Variants in C16orf74 observed in about 807,000 individuals in gnomAD.
C16orf74 encodes uncharacterized protein C16orf74.
A neutral mutation model predicts 6.5 loss-of-function variants in C16orf74; 10 were observed. That is an observed-to-expected ratio of 1.54 (90% CI 0.95 to 2.61). The LOEUF is 2.61. Ranked by LOEUF, C16orf74 falls within the 30% of genes most tolerant of loss-of-function variation. The pLI, the probability that C16orf74 is intolerant of heterozygous loss-of-function variation, is 0.00. For missense variants in C16orf74, 141 were observed against 105.9 expected, an observed-to-expected ratio of 1.33 and a Z score of -1.45; for synonymous variants, 60 against 42.5, an observed-to-expected ratio of 1.41 and a Z score of -1.60.
intron 2 of C16orf74, among the ~76,000 whole-genome samples, chr16:85,731,698 T>C (rs115835971): frequency 0.018 from 2,725 of 152,192 alleles, 75 homozygotes; most frequent in African/African-American, 0.063. Context: ...GTCATTTTTT[T>C]TTTTTTTGAG....
chr16:85,720,479 G>A (rs982979309), intron 2 of C16orf74, among the ~76,000 whole-genome samples: 1 of 152,160 alleles, frequency 6.6e-6, no homozygotes, highest in African/African-American at 2.4e-5. Flanking sequence ...CCAAAGGCCA[G>A]GTCCAGGGTC....
At chr16:85,728,440 G>A (rs977443923) in intron 2 of C16orf74, among the ~76,000 whole-genome samples, 1 of 152,168 alleles carries the variant, frequency 6.6e-6, no homozygotes, top group African/African-American at 2.4e-5. Flanking sequence ...ACCTTCCCCA[G>A]GACAGTTGCT....
At chr16:85,721,021 G>A (rs1488383588) in intron 2 of C16orf74, among the ~76,000 whole-genome samples, 2 of 152,088 alleles carry the variant, frequency 1.3e-5, no homozygotes, top group Non-Finnish European at 2.9e-5. Context: ...AACCCAGGAG[G>A]CAGAGGTTGC....
chr16:85,750,676 C>G (rs563604568), intron 1 of C16orf74, among the ~76,000 whole-genome samples: 1 of 152,292 alleles, frequency 6.6e-6, no homozygotes, highest in African/African-American at 2.4e-5. Flanking sequence ...GGTCACACCC[C>G]CACCGCCGTG....
At chr16:85,736,310 G>A (rs564621591) in intron 1 of C16orf74, among the ~76,000 whole-genome samples, 1 of 152,268 alleles carries the variant, frequency 6.6e-6, no homozygotes, top group East Asian at 1.9e-4. Flanking sequence ...TCATGTGCAG[G>A]CTGTTGGTGG....
chr16:85,725,747 G>T (rs2054126345), intron 2 of C16orf74, among the ~76,000 whole-genome samples: 1 of 152,112 alleles, frequency 6.6e-6, no homozygotes, highest in South Asian at 2.1e-4. Flanking sequence ...GGCACTACAG[G>T]CGCATGCTAC....
intron 2 of C16orf74, among the ~76,000 whole-genome samples, chr16:85,723,442 C>T (rs1430008203): frequency 6.6e-6 from 1 of 151,528 alleles, no homozygotes; most frequent in Non-Finnish European, 1.5e-5. Flanking sequence ...CTGTTAAAAA[C>T]AGAGGAAGCA....
chr16:85,717,396 C>G (rs2054036013), intron 2 of C16orf74, among the ~76,000 whole-genome samples: 1 of 152,226 alleles, frequency 6.6e-6, no homozygotes. Flanking sequence ...GTGACTTTAA[C>G]AGCCAGGGAT....
intron 2 of C16orf74, among the ~76,000 whole-genome samples, chr16:85,727,005 A>G (rs1567807219): frequency 6.6e-6 from 1 of 152,234 alleles, no homozygotes. Flanking sequence ...GCTAGCTTCC[A>G]TCCAGCACTG....
intron 1 of C16orf74, among the ~76,000 whole-genome samples, chr16:85,742,988 A>C (rs2054326826): frequency 1.3e-5 from 2 of 152,120 alleles, no homozygotes; most frequent in Non-Finnish European, 1.5e-5. Context: ...CATCCTCATC[A>C]TCGTCATCAG....
intron 1 of C16orf74, among the ~76,000 whole-genome samples, chr16:85,741,067 G>T (rs1417088606): frequency 2.0e-5 from 3 of 152,162 alleles, no homozygotes; most frequent in African/African-American, 7.2e-5. Context: ...CAAGAAAAAG[G>T]CTTAAAAAGG....
intron 2 of C16orf74, among the ~76,000 whole-genome samples, chr16:85,728,681 C>T (rs917548580): frequency 9.2e-5 from 14 of 152,236 alleles, no homozygotes; most frequent in African/African-American, 2.2e-4. Flanking sequence ...GAAGGTGTAA[C>T]GGCTCCTTGG....
intron 2 of C16orf74, among the ~76,000 whole-genome samples, chr16:85,728,476 T>G (rs1245608019): frequency 6.6e-6 from 1 of 152,130 alleles, no homozygotes; most frequent in Non-Finnish European, 1.5e-5. Flanking sequence ...CCCAGGAGCC[T>G]GTATCCATGG....
intron 2 of C16orf74, among the ~76,000 whole-genome samples, chr16:85,720,497 G>T (rs2054071411): frequency 6.6e-6 from 1 of 152,170 alleles, no homozygotes; most frequent in South Asian, 2.1e-4. Flanking sequence ...GTCGGGCACA[G>T]TGACTCATGC....
intron 1 of C16orf74, among the ~76,000 whole-genome samples, chr16:85,741,282 T>G (rs2054304521): frequency 6.6e-6 from 1 of 152,196 alleles, no homozygotes; most frequent in Non-Finnish European, 1.5e-5. Flanking sequence ...TATTATGCCG[T>G]GCCAGGCAGC....
intron 2 of C16orf74, among the ~76,000 whole-genome samples, chr16:85,715,613 A>T (rs1267323532): frequency 6.6e-6 from 1 of 152,220 alleles, no homozygotes; most frequent in Non-Finnish European, 1.5e-5. Context: ...CGGCAGCCTG[A>T]AAGCAGCCGT....
intron 1 of C16orf74, among the ~76,000 whole-genome samples, chr16:85,736,640 C>A (rs1275626680): frequency 6.6e-6 from 1 of 152,182 alleles, no homozygotes; most frequent in Non-Finnish European, 1.5e-5. Context: ...GCCATTCCAA[C>A]TTACGAGTGG....
chr16:85,748,047 C>CTGAAACATTGGTTTCATCTGGAAAGG (rs1567815440), intron 1 of C16orf74, among the ~76,000 whole-genome samples: 5 of 71,422 alleles, frequency 7.0e-5, no homozygotes, highest in South Asian at 3.3e-4. Flanking sequence ...TATTGCACCA[C>CTGAAACATTGGTTTCATCTGGAAAGG]TGCACTCCAG....
intron 1 of C16orf74, among the ~76,000 whole-genome samples, chr16:85,736,730 T>A (rs2054248882): frequency 1.3e-5 from 2 of 152,186 alleles, no homozygotes; most frequent in Non-Finnish European, 2.9e-5. Flanking sequence ...GGATAGTTTA[T>A]CTCAAGACTT....
Sources: allele counts gnomAD v4.1 joint callset (sites outside exome capture counted in the v4.1 genomes callset), GRCh38; gene constraint gnomAD v4.1.1; transcripts MANE v1.5; gene names NCBI Gene and HGNC (gene_info 2026-07-23, HGNC 2026-07-21).